The following FGD5 variants were observed in gnomAD, a reference collection of about 807,000 sequenced individuals.
FGD5 encodes the protein FYVE, RhoGEF and PH domain-containing protein 5.
Under a neutral mutation model 133.4 loss-of-function variants are expected in FGD5, and 28 were observed. The ratio of observed to expected loss-of-function variants is 0.21; its 90% CI spans 0.16 to 0.29. The LOEUF (loss-of-function observed/expected upper bound fraction) is 0.29. Ranked by LOEUF, FGD5 falls within the 10% of genes least tolerant of loss-of-function variation. The pLI is 1.00. For missense variants in FGD5, 1,858 were observed against 1,895.2 expected (o/e 0.98, Z 0.36); for synonymous variants, 810 against 776.5 (o/e 1.04, Z -0.72).
chr3:14,911,002 G>C (rs2038438146), intron 11 of FGD5, 73 bp downstream of exon 11: 2 of 1,428,746 alleles, frequency 1.4e-6, no homozygotes, highest in East Asian at 4.9e-5. Context: ...CATTATTCAA[G>C]GACAAGTGGA....
chr3:14,908,854 C>G (rs181351373), intron 10 of FGD5, among the ~76,000 whole-genome samples: 1 of 150,784 alleles, frequency 6.6e-6, no homozygotes, highest in African/African-American at 2.4e-5. Flanking sequence ...CACTCCAGCC[C>G]GGGCGACAGT....
At position 14,850,146 on chromosome 3, in the gene FGD5, T is replaced by G. The variant is rs1043827410; in HGVS notation, c.2526-13982T>G. ...GCTTCGCCTGTGGTCTGGCTTCCTC[T>G]GACTCCCAGAGCGGAGGTTGCAGGA... is the stretch of plus-strand genomic sequence containing the variant. On this transcript the variant is annotated intron_variant, in intron 1 of 19. Coordinates refer to ENST00000285046, the MANE Select transcript of FGD5 (RefSeq NM_152536.4). 3.9e-5 allele frequency among the ~76,000 whole-genome samples: 6 copies of G among 152,368 alleles called. No homozygotes were observed. The South Asian group carries it at 8.3e-4, about 21-fold the overall frequency.
At chr3:14,918,881 A>G (rs777276226) in intron 13 of FGD5, 48 bp downstream of exon 13, 76 of 1,595,796 alleles carry the variant, frequency 4.8e-5, no homozygotes, top group Non-Finnish European at 6.1e-5. Context: ...AGGTGTGAGC[A>G]TGGGAAGGTT....
intron 2 of FGD5, among the ~76,000 whole-genome samples, chr3:14,865,334 A>G (rs1191902086): frequency 6.6e-5 from 10 of 152,322 alleles, no homozygotes; most frequent in Non-Finnish European, 1.0e-4. Flanking sequence ...GGTGCCTGAC[A>G]CTTACCAAGC....
chr3:14,811,445 AATCCCCCTAT>A (rs1362631031), intron 1 of FGD5: 1 of 151,696 alleles, frequency 6.6e-6, no homozygotes, highest in Non-Finnish European at 1.5e-5. Context: ...GCCCTAAATT[AATCCCCCTAT>A]AGCGCACCCC....
At chr3:14,886,714 GT>G (rs911776193) in intron 4 of FGD5, among the ~76,000 whole-genome samples, 6 of 152,186 alleles carry the variant, frequency 3.9e-5, no homozygotes, top group African/African-American at 1.4e-4. Context: ...GTTATGTTGT[GT>G]TTTCATTTTC....
chr3:14,922,383 C>T lies in FGD5; in HGVS notation c.3670-28C>T, dbSNP rs1189110918. ...TGGCTGGTCTCCTGGCCACATTCCA[C>T]ATTACTCAGCCAATTCTGTTGCTGC... On this transcript the variant is annotated intron_variant, in intron 14 of 19. Coordinates refer to ENST00000285046, the MANE Select transcript of FGD5 (RefSeq NM_152536.4). The surrounding 1 kb of genome is among the most constrained non-coding windows in gnomAD (Gnocchi z 4.1). 14 of 1,557,986 alleles carry T rather than the reference C, an allele frequency of 9.0e-6. No individual in the cohort carries two copies. Among genetic ancestry groups the T allele is most frequent in the Non-Finnish European group, 1.2e-5 (14 of 1,150,718 alleles).
At chr3:14,829,923 G>A (rs1326050825) in intron 1 of FGD5, among the ~76,000 whole-genome samples, 1 of 151,952 alleles carries the variant, frequency 6.6e-6, no homozygotes, top group Non-Finnish European at 1.5e-5. Flanking sequence ...TTTTACTACC[G>A]TAGACAGCGC....
intron 1 of FGD5, among the ~76,000 whole-genome samples, chr3:14,857,120 T>C (rs1449703709): frequency 1.3e-5 from 2 of 152,068 alleles, no homozygotes; most frequent in Non-Finnish European, 1.5e-5. Flanking sequence ...TTTTCTGTCC[T>C]TTAAACTCTT....
intron 1 of FGD5, among the ~76,000 whole-genome samples, chr3:14,848,540 G>C (rs945022547): frequency 6.6e-6 from 1 of 152,142 alleles, no homozygotes; most frequent in African/African-American, 2.4e-5. Context: ...AACCCATGGG[G>C]TACAGGTTAG....
At chr3:14,841,308 A>G (rs1171017936) in intron 1 of FGD5, among the ~76,000 whole-genome samples, 1 of 152,218 alleles carries the variant, frequency 6.6e-6, no homozygotes, top group Non-Finnish European at 1.5e-5. Flanking sequence ...AAGTGAAGAC[A>G]GATGGAGTTA....
chr3:14,900,427 A>C lies in FGD5; in HGVS notation c.3179A>C (p.Asp1060Ala), dbSNP rs1468420306. The C allele has an allele frequency of 1.2e-6, 2 of 1,613,168 alleles. No homozygotes were observed. Residue 1060 changes from aspartate (D) to alanine (A), a missense_variant, in exon 8 of 20, where the codon GAC becomes GCC. Physicochemically the swap from Asp to Ala is moderately radical, Grantham distance 126. Transcript: ENST00000285046. Reference protein sequence around the residue: ...LTDYLNNLCPDSAEYDNTQGA... With the variant: ...LTDYLNNLCPASAEYDNTQGA... ...GACTATTTAAACAACCTTTGTCCGG[A>C]CTCCGCCGAGTACGACAACACACAG...
intron 4 of FGD5, among the ~76,000 whole-genome samples, chr3:14,886,561 G>A (rs751943583): frequency 3.9e-5 from 6 of 152,236 alleles, no homozygotes; most frequent in Non-Finnish European, 5.9e-5. Flanking sequence ...TCTCCCCTCC[G>A]ATGAGGCTGT....
rs529183798 is a variant in FGD5, at chr3:14,866,839, G to T, written c.2658+2579G>T. Among the ~76,000 whole-genome samples the T allele has an allele frequency of 3.3e-5, 5 of 152,288 alleles. No individual in the cohort carries two copies. The South Asian group carries it at 1.0e-3, about 32-fold the overall frequency. ...GACAGGGGTCCTTCATGTGTCCTGT[G>T]GGGGCCAGAGCCAGGCAGAGCCTGT... On this transcript the variant is annotated intron_variant, in intron 2 of 19. Transcript: ENST00000285046.
At chr3:14,908,247 G>A (rs886588336) in intron 10 of FGD5, among the ~76,000 whole-genome samples, 2 of 152,168 alleles carry the variant, frequency 1.3e-5, no homozygotes, top group Admixed American at 6.5e-5. Flanking sequence ...AGATTAGCAG[G>A]TGTCTCATGG....
intron 18 of FGD5, among the ~76,000 whole-genome samples, chr3:14,927,569 T>C (rs531410611): frequency 6.6e-6 from 1 of 152,032 alleles, no homozygotes; most frequent in South Asian, 2.1e-4. Context: ...GTTCCAGCGA[T>C]GGAATAAAGC....
At chr3:14,812,665 G>A (rs1338959878) in intron 1 of FGD5, among the ~76,000 whole-genome samples, 1 of 152,144 alleles carries the variant, frequency 6.6e-6, no homozygotes, top group Non-Finnish European at 1.5e-5. Context: ...TGATCACATG[G>A]CATGGTGGTT....
intron 1 of FGD5, among the ~76,000 whole-genome samples, chr3:14,839,218 G>A (rs576345821): frequency 3.0e-4 from 45 of 152,290 alleles, no homozygotes; most frequent in Middle Eastern, 3.4e-3. Flanking sequence ...GGAATTGGGG[G>A]AATTCATTTA....
intron 1 of FGD5, among the ~76,000 whole-genome samples, chr3:14,853,636 C>CTTTTTTTTTTTTTTTTTTTTTTTTTTT (rs34008934): frequency 2.7e-5 from 1 of 37,094 alleles, no homozygotes. Flanking sequence ...AAAAGCGTTC[C>CTTTTTTTTTTTTTTTTTTTTTTTTTTT]TTTTTTTTTT....
Sources: gnomAD v4.1 joint callset for allele counts (sites outside exome capture counted in the v4.1 genomes callset) on GRCh38, gnomAD v4.1.1 for gene constraint, Gnocchi (gnomAD v3.1) non-coding constraint, MANE v1.5 for transcripts, NCBI Gene and HGNC (gene_info 2026-07-23, HGNC 2026-07-21) for gene names.